DCLK3: variants seen among roughly 807,000 people sequenced by gnomAD.
DCLK3 encodes the protein serine/threonine-protein kinase DCLK3.
DCLK3 carries 30 observed loss-of-function variants against 46.4 expected under a neutral mutation model. That is an observed-to-expected ratio of 0.65 (90% confidence interval 0.48 to 0.88). DCLK3 has a LOEUF of 0.88. Ranked by LOEUF, DCLK3 falls within the 40% of genes least tolerant of loss-of-function variation. The pLI, the probability that DCLK3 is intolerant of heterozygous loss-of-function variation, is 0.00. For synonymous variants in DCLK3, 401 were observed against 339.2 expected (o/e 1.18, Z -2.00); for missense variants, 846 against 907.1 (o/e 0.93, Z 0.87).
chr3:36,734,255 C>T (rs1701232296), intron 2 of DCLK3, among the ~76,000 whole-genome samples: 1 of 152,152 alleles, frequency 6.6e-6, no homozygotes, highest in South Asian at 2.1e-4. Context: ...TTATCTCTAC[C>T]TCTGTCTGAA....
intron 2 of DCLK3, among the ~76,000 whole-genome samples, chr3:36,727,111 C>T (rs1411978143): frequency 2.0e-5 from 3 of 151,944 alleles, no homozygotes; most frequent in African/African-American, 7.3e-5. Context: ...GGTGAAACCC[C>T]ATCTCTACTA....
At chr3:36,729,117 A>G (rs1189543310) in intron 2 of DCLK3, among the ~76,000 whole-genome samples, 1 of 152,176 alleles carries the variant, frequency 6.6e-6, no homozygotes, top group Non-Finnish European at 1.5e-5. Flanking sequence ...ATCAGAGCAG[A>G]GGACCTCAGG....
chr3:36,758,443 C>T lies in DCLK3; in HGVS notation c.82+5739G>A, dbSNP rs142285013. On this transcript the variant is annotated intron_variant, in intron 1 of 4. Transcript: ENST00000636136. ...GGGCTTTGGGGAAGTGATTAAGTCA[C>T]GAGGGCTCTACCTTAAAGAATGGAT... is the stretch of plus-strand genomic sequence containing the variant. 2.5e-3 allele frequency among the ~76,000 whole-genome samples: 386 copies of T among 152,208 alleles called. 2 individuals carry two copies. The highest frequency in any genetic ancestry group is 3.9e-3 in the South Asian group (19 of 4,812).
At chr3:36,735,129 T>G (rs1364831810) in intron 2 of DCLK3, among the ~76,000 whole-genome samples, 1 of 152,186 alleles carries the variant, frequency 6.6e-6, no homozygotes, top group Non-Finnish European at 1.5e-5. Context: ...TCGTGGGACC[T>G]CCTCAGGCCT....
At chr3:36,762,426 C>T (rs986219128) in intron 1 of DCLK3, among the ~76,000 whole-genome samples, 1 of 151,918 alleles carries the variant, frequency 6.6e-6, no homozygotes, top group Admixed American at 6.6e-5. Context: ...AGAAGTAAAA[C>T]AAGAAAAAGT....
At chr3:36,729,964 T>G (rs1303263631) in intron 2 of DCLK3, among the ~76,000 whole-genome samples, 1 of 151,906 alleles carries the variant, frequency 6.6e-6, no homozygotes, top group Non-Finnish European at 1.5e-5. Context: ...ATCACTTGAG[T>G]CCAGGAGTTT....
chr3:36,730,153 G>A (rs1002829410), intron 2 of DCLK3, among the ~76,000 whole-genome samples: 2 of 151,710 alleles, frequency 1.3e-5, no homozygotes, highest in African/African-American at 4.9e-5. Flanking sequence ...CTGGGTGACA[G>A]AGTCAGACTG....
At position 36,751,764 on chromosome 3, in the gene DCLK3, G is replaced by A. The variant is rs140623455; in HGVS notation, c.82+12418C>T. Reference sequence around the variant, plus strand: ...AGTCTACTAAATAAATGGGCCTTGCGTGGCAAGATTCTAAACACAGAGCCC... The same window carrying A: ...AGTCTACTAAATAAATGGGCCTTGCATGGCAAGATTCTAAACACAGAGCCC... On this transcript the variant is annotated intron_variant, in intron 1 of 4. Transcript: ENST00000636136. Among the ~76,000 whole-genome samples, 854 of 152,300 alleles carry A rather than the reference G, an allele frequency of 5.6e-3. 10 individuals carry two copies. Among genetic ancestry groups the A allele is most frequent in the African/African-American group, 0.02 (822 of 41,560 alleles).
chr3:36,722,016 A>C (rs1186897549), intron 2 of DCLK3, among the ~76,000 whole-genome samples: 1 of 152,230 alleles, frequency 6.6e-6, no homozygotes, highest in Non-Finnish European at 1.5e-5. Context: ...ATATTGGGAA[A>C]CACAGATAGA....
intron 2 of DCLK3, among the ~76,000 whole-genome samples, chr3:36,730,174 T>C (rs1316681525): frequency 6.7e-6 from 1 of 148,758 alleles, no homozygotes; most frequent in Non-Finnish European, 1.5e-5. Flanking sequence ...TCTCAAAATA[T>C]ATGTACATAC....
intron 4 of DCLK3, among the ~76,000 whole-genome samples, chr3:36,717,554 C>G (rs1271267812): frequency 6.6e-6 from 1 of 152,112 alleles, no homozygotes; most frequent in Non-Finnish European, 1.5e-5. Context: ...CAGGGAGGAC[C>G]ATGCATGCTC....
At chr3:36,755,260 T>C (rs1701475699) in intron 1 of DCLK3, among the ~76,000 whole-genome samples, 2 of 152,142 alleles carry the variant, frequency 1.3e-5, no homozygotes, top group South Asian at 4.1e-4. Context: ...ACTAATACAA[T>C]TTTTGAGGGA....
At position 36,715,186 on chromosome 3, in the gene DCLK3, T is replaced by C; in HGVS notation, c.*142A>G. 1 of 878,956 alleles carries C rather than the reference T, an allele frequency of 1.1e-6. No homozygotes were observed. Among genetic ancestry groups the C allele is most frequent in the Non-Finnish European group, 1.6e-6 (1 of 615,988 alleles). 54.4% of individuals were successfully genotyped at this position (878,956 alleles called of 1,614,324 possible). Reference sequence around the variant, plus strand: ...TAACATTGACTTAATTTTTTTAATATGCTTTAAAATATACTCAGTGTCTCT... The same window carrying C: ...TAACATTGACTTAATTTTTTTAATACGCTTTAAAATATACTCAGTGTCTCT... On this transcript the variant is annotated 3_prime_UTR_variant, in exon 5 of 5. Transcript: ENST00000636136.
intron 1 of DCLK3, among the ~76,000 whole-genome samples, chr3:36,749,011 C>T (rs767301243): frequency 5.9e-5 from 9 of 152,160 alleles, no homozygotes; most frequent in Non-Finnish European, 1.2e-4. Context: ...TTCAGTCTCA[C>T]CCTAGGTTTC....
At chr3:36,753,506 A>G (rs1425067107) in intron 1 of DCLK3, among the ~76,000 whole-genome samples, 1 of 152,192 alleles carries the variant, frequency 6.6e-6, no homozygotes, top group Non-Finnish European at 1.5e-5. Flanking sequence ...TGTACTCACG[A>G]TGAAAAAAGA....
At chr3:36,762,702 A>G (rs1364296225) in intron 1 of DCLK3, among the ~76,000 whole-genome samples, 1 of 152,170 alleles carries the variant, frequency 6.6e-6, no homozygotes, top group African/African-American at 2.4e-5. Flanking sequence ...CAACAAAGAG[A>G]TGGAGGGACT....
chr3:36,748,224 T>C (rs1701409783), intron 1 of DCLK3, among the ~76,000 whole-genome samples: 2 of 152,152 alleles, frequency 1.3e-5, no homozygotes, highest in South Asian at 4.1e-4. Flanking sequence ...CACAGGCATT[T>C]GCAGCTCCCA....
chr3:36,759,149 G>A (rs1357793966), intron 1 of DCLK3, among the ~76,000 whole-genome samples: 2 of 152,128 alleles, frequency 1.3e-5, no homozygotes, highest in East Asian at 1.9e-4. Flanking sequence ...TTCCTTTAAA[G>A]GAATTCCCAT....
In DCLK3 at chr3:36,715,220, T is replaced by C. The variant is rs920375926; in HGVS notation, c.*108A>G. 1.8e-5 allele frequency: 23 copies of C among 1,280,554 alleles called. No individual in the cohort carries two copies. Among genetic ancestry groups the C allele is most frequent in the Non-Finnish European group, 2.2e-5 (21 of 941,642 alleles). The allele number at this position is 1,280,554 out of a possible 1,614,324, so 79.3% of individuals were successfully genotyped here. The stretch of plus-strand genomic sequence containing the variant: ...ATATACTCAGTGTCTCTCCCTCTGA[T>C]TCACCAATTATGTGAAGAAGCCTCT... On this transcript the variant is annotated 3_prime_UTR_variant, in exon 5 of 5. Transcript: ENST00000636136.
Sources: gnomAD v4.1 joint callset for allele counts (sites outside exome capture counted in the v4.1 genomes callset) on GRCh38, gnomAD v4.1.1 for gene constraint, MANE v1.5 for transcripts, NCBI Gene and HGNC (gene_info 2026-07-23, HGNC 2026-07-21) for gene names.